The following PALM2AKAP2 variants were observed in gnomAD, a reference collection of about 807,000 sequenced individuals.
The protein encoded by PALM2AKAP2 is PALM2-AKAP2 fusion protein.
In PALM2AKAP2, 37 loss-of-function variants were observed where a neutral mutation model predicts 71.5. The ratio of observed to expected loss-of-function variants is 0.52; its 90% CI spans 0.40 to 0.68. The LOEUF (loss-of-function observed/expected upper bound fraction) is 0.68. Ranked by LOEUF, PALM2AKAP2 falls within the 30% of genes least tolerant of loss-of-function variation. PALM2AKAP2 has a pLI of 0.00. For synonymous variants in PALM2AKAP2, 468 were observed against 478.8 expected, an observed-to-expected ratio of 0.98 and a Z score of 0.29; for missense variants, 1,224 against 1,191.8, an observed-to-expected ratio of 1.03 and a Z score of -0.40.
chr9:109,998,849 G>C (rs1421670735), intron 6 of PALM2AKAP2, among the ~76,000 whole-genome samples: 1 of 151,984 alleles, frequency 6.6e-6, no homozygotes, highest in Non-Finnish European at 1.5e-5. Flanking sequence ...CCATGACCAG[G>C]AAAAGGCCAT....
At chr9:109,811,479 T>C (rs1399484888) in intron 1 of PALM2AKAP2, among the ~76,000 whole-genome samples, 1 of 152,084 alleles carries the variant, frequency 6.6e-6, no homozygotes, top group Non-Finnish European at 1.5e-5. Context: ...TGGTGGAAAG[T>C]TAGTATGTTA....
chr9:109,967,621 G>A (rs1305230965), intron 6 of PALM2AKAP2, among the ~76,000 whole-genome samples: 1 of 152,134 alleles, frequency 6.6e-6, no homozygotes, highest in Non-Finnish European at 1.5e-5. Context: ...TATTGGCCAC[G>A]CTGGTCTCAA....
At chr9:109,956,239 A>G (rs1831745303) in intron 6 of PALM2AKAP2, among the ~76,000 whole-genome samples, 1 of 152,150 alleles carries the variant, frequency 6.6e-6, no homozygotes, top group South Asian at 2.1e-4. Flanking sequence ...TTCTGACCTC[A>G]GGTGATCTGA....
chr9:110,036,330 A>T (rs978587825), intron 7 of PALM2AKAP2, among the ~76,000 whole-genome samples: 27 of 152,150 alleles, frequency 1.8e-4, no homozygotes, highest in African/African-American at 5.6e-4. Flanking sequence ...TGTAATGAAA[A>T]TAAGAAGTAT....
intron 1 of PALM2AKAP2, among the ~76,000 whole-genome samples, chr9:109,818,373 G>A (rs940969096): frequency 1.3e-5 from 2 of 152,138 alleles, no homozygotes; most frequent in African/African-American, 4.8e-5. Context: ...TTTTTGAGTG[G>A]AAGAAGAGGG....
At chr9:110,032,095 G>A (rs993596388) in intron 7 of PALM2AKAP2, among the ~76,000 whole-genome samples, 4 of 147,032 alleles carry the variant, frequency 2.7e-5, no homozygotes, top group Non-Finnish European at 4.5e-5. Context: ...AGCTTTCCTT[G>A]AATCTGGAGA....
At chr9:110,019,138 G>A (rs1833030452) in intron 7 of PALM2AKAP2, among the ~76,000 whole-genome samples, 1 of 151,580 alleles carries the variant, frequency 6.6e-6, no homozygotes, top group Non-Finnish European at 1.5e-5. Flanking sequence ...TACTAGGGAG[G>A]CTGAGGCAGG....
intron 2 of PALM2AKAP2, among the ~76,000 whole-genome samples, chr9:110,142,871 A>G (rs192061693): frequency 6.6e-6 from 1 of 152,350 alleles, no homozygotes. Context: ...GTCAGTGAGA[A>G]GCCAGTGAGA....
At chr9:109,850,731 A>G (rs1050148658) in intron 1 of PALM2AKAP2, among the ~76,000 whole-genome samples, 6 of 152,222 alleles carry the variant, frequency 3.9e-5, no homozygotes, top group East Asian at 1.9e-4. Context: ...GGCTGACCCA[A>G]TGCTGAGGCT....
At chr9:109,711,153 G>T (rs1828228877) in intron 1 of PALM2AKAP2, among the ~76,000 whole-genome samples, 1 of 139,216 alleles carries the variant, frequency 7.2e-6, no homozygotes, top group African/African-American at 2.9e-5. Context: ...GAATGACCTT[G>T]TTCTTAATTT....
In PALM2AKAP2 at chr9:110,017,599, A is replaced by C. The variant is rs199609132; in HGVS notation, c.582+1560A>C. Among the ~76,000 whole-genome samples, 9 of 152,326 alleles carry C rather than the reference A, an allele frequency of 5.9e-5. No individual in the cohort carries two copies. In the East Asian group the frequency reaches 1.5e-3, roughly 26 times the overall value. ...AAAATCTGTTATCATCTGGAGAATTAGTTTTTGAGAAGAGTTGCTAGTGGG... is the reference window on the plus strand; with the variant it reads ...AAAATCTGTTATCATCTGGAGAATTCGTTTTTGAGAAGAGTTGCTAGTGGG... On this transcript the variant is annotated intron_variant, in intron 7 of 9. Coordinates refer to the PALM2AKAP2 transcript ENST00000302798.
chr9:109,764,269 A>C (rs1424534012), intron 1 of PALM2AKAP2, among the ~76,000 whole-genome samples: 1 of 151,782 alleles, frequency 6.6e-6, no homozygotes, highest in Admixed American at 6.6e-5. Flanking sequence ...ACTAGACCCA[A>C]CCTGGAGCTT....
At chr9:109,868,609 T>G (rs938896229) in intron 2 of PALM2AKAP2, among the ~76,000 whole-genome samples, 1 of 152,240 alleles carries the variant, frequency 6.6e-6, no homozygotes, top group African/African-American at 2.4e-5. Flanking sequence ...TTGTGCTAAA[T>G]GAATACCCAA....
At chr9:109,989,442 A>G (rs1458177560) in intron 6 of PALM2AKAP2, among the ~76,000 whole-genome samples, 2 of 152,166 alleles carry the variant, frequency 1.3e-5, no homozygotes, top group Non-Finnish European at 1.5e-5. Flanking sequence ...CCTGTGATCA[A>G]GATGGTAAGT....
intron 6 of PALM2AKAP2, chr9:109,943,543 A>G: frequency 7.3e-7 from 1 of 1,376,684 alleles, no homozygotes; most frequent in East Asian, 2.3e-5. Context: ...CTTGCCTTGC[A>G]GTTGAATTGC....
chr9:109,744,094 G>A (rs1828760891), intron 1 of PALM2AKAP2, among the ~76,000 whole-genome samples: 1 of 152,076 alleles, frequency 6.6e-6, no homozygotes, highest in Non-Finnish European at 1.5e-5. Context: ...ATTAAAATTC[G>A]TATTAGAGTC....
At chr9:109,924,827 G>A (rs956054919) in intron 4 of PALM2AKAP2, among the ~76,000 whole-genome samples, 1 of 152,134 alleles carries the variant, frequency 6.6e-6, no homozygotes, top group Admixed American at 6.5e-5. Flanking sequence ...AAGGATATTT[G>A]CTAGATCATT....
intron 1 of PALM2AKAP2, among the ~76,000 whole-genome samples, chr9:109,657,938 T>TTGTGTGTGTGTGTGTGTGTG: frequency 7.0e-6 from 1 of 142,440 alleles, no homozygotes; most frequent in South Asian, 2.3e-4. Context: ...TTGTGTGTGT[T>TTGTGTGTGTGTGTGTGTGTG]TGTGTGTGTG....
intron 1 of PALM2AKAP2, among the ~76,000 whole-genome samples, chr9:109,860,109 G>T (rs982699119): frequency 6.6e-6 from 1 of 152,214 alleles, no homozygotes; most frequent in African/African-American, 2.4e-5. Context: ...TGAGATAACT[G>T]ATCTCGAACA....
Sources: allele counts gnomAD v4.1 joint callset (sites outside exome capture counted in the v4.1 genomes callset), GRCh38; gene constraint gnomAD v4.1.1; transcripts MANE v1.5; gene names NCBI Gene and HGNC (gene_info 2026-07-23, HGNC 2026-07-21).